Variants in AMMECR1 observed in about 807,000 individuals in gnomAD.
AMMECR1 encodes AMMECR nuclear protein 1.
A neutral mutation model predicts 22.5 loss-of-function variants in AMMECR1; 3 were observed. That is an observed-to-expected ratio of 0.13 (90% CI 0.06 to 0.35). The LOEUF (loss-of-function observed/expected upper bound fraction) is 0.35, where lower values mean the gene tolerates loss of function less well. Among genes scored for constraint, AMMECR1 ranks in the 10% least tolerant of loss-of-function variants. AMMECR1 has a pLI of 1.00. For missense variants in AMMECR1, 235 were observed against 278.7 expected (o/e 0.84, Z 1.12); for synonymous variants, 130 against 116.7 (o/e 1.11, Z -0.74).
intron 1 of AMMECR1, among the ~76,000 whole-genome samples, chrX:110,437,771 C>T (rs371346407): frequency 9.0e-6 from 1 of 111,511 alleles, no homozygotes; most frequent in Non-Finnish European, 1.9e-5. Context: ...GACCTACTCT[C>T]TCTGGGCTGA....
At chrX:110,280,269 A>G (rs1057365133) in intron 1 of AMMECR1, among the ~76,000 whole-genome samples, 2 of 111,435 alleles carry the variant, frequency 1.8e-5, no homozygotes, top group African/African-American at 6.5e-5. Context: ...AACTCTCTTT[A>G]CCACATACTA....
At chrX:110,312,825 A>G (rs1038014933) in intron 1 of AMMECR1, among the ~76,000 whole-genome samples, 7 of 111,752 alleles carry the variant, frequency 6.3e-5, no homozygotes, top group Non-Finnish European at 1.3e-4. Context: ...TCAATTGTTC[A>G]GACAGTGTTT....
chrX:110,345,868 T>A (rs1295285601), intron 2 of AMMECR1, among the ~76,000 whole-genome samples: 1 of 112,106 alleles, frequency 8.9e-6, no homozygotes, highest in Non-Finnish European at 1.9e-5. Context: ...TTGACAAAAA[T>A]GGTTTTGAAT....
intron 2 of AMMECR1, chrX:110,346,557 G>C: frequency 2.3e-6 from 1 of 440,166 alleles, no homozygotes; most frequent in Non-Finnish European, 4.1e-6. Context: ...AGAGGTAGAT[G>C]TTAAGGACAG....
chrX:110,369,146 C>T (rs2068319226), intron 2 of AMMECR1, among the ~76,000 whole-genome samples: 1 of 111,322 alleles, frequency 9.0e-6, no homozygotes, highest in South Asian at 3.8e-4. Context: ...TCCTGGCTAA[C>T]ACAGTGAAAC....
chrX:110,341,274 A>G (rs1323591537), intron 2 of AMMECR1, among the ~76,000 whole-genome samples: 2 of 112,138 alleles, frequency 1.8e-5, no homozygotes, highest in Admixed American at 1.9e-4. Context: ...AAATAATTCC[A>G]GAATACTCAT....
At chrX:110,437,059 A>G (rs1034204647) in intron 1 of AMMECR1, among the ~76,000 whole-genome samples, 12 of 112,280 alleles carry the variant, frequency 1.1e-4, no homozygotes, top group Non-Finnish European at 1.3e-4. Context: ...CAAGGAAGTG[A>G]TTTCACGAAT....
At chrX:110,321,389 C>T (rs1478709881), upstream of AMMECR1, among the ~76,000 whole-genome samples, 1 of 110,203 alleles carries the variant, frequency 9.1e-6, no homozygotes, top group Non-Finnish European at 1.9e-5. Context: ...TCTTTGTCAA[C>T]AAAGCACATT....
chrX:110,346,660 A>G (rs1161354373), intron 2 of AMMECR1: 1 of 579,429 alleles, frequency 1.7e-6, no homozygotes, highest in Admixed American at 2.2e-5. Context: ...TATTCACTGG[A>G]TCATAAGAAG....
intron 2 of AMMECR1, among the ~76,000 whole-genome samples, chrX:110,410,860 G>C (rs935026255): frequency 8.9e-6 from 1 of 112,189 alleles, no homozygotes. Context: ...CGCAATTCAA[G>C]GCAGCCTCCT....
rs189030845 is a variant in AMMECR1 at position 110,413,260 on chromosome X, G to A, written c.-148+13398C>T. On this transcript the variant is annotated intron_variant, in intron 2 of 7. Transcript: ENST00000372057. ...TTACAGAGCACTATTGTCTACCTCC[G>A]GGCCTGGAAGTGCTGAAACCTGAGT... Among the ~76,000 whole-genome samples, 419 of 111,054 alleles carry A rather than the reference G, an allele frequency of 3.8e-3. 2 individuals are homozygous for A. Among genetic ancestry groups the A allele is most frequent in the Admixed American group, 5.7e-3 (60 of 10,486 alleles).
chrX:110,282,169 A>G (rs2067855904), intron 1 of AMMECR1, among the ~76,000 whole-genome samples: 1 of 111,689 alleles, frequency 9.0e-6, no homozygotes, highest in African/African-American at 3.3e-5. Flanking sequence ...ATCTCTTAGG[A>G]ACATAAACAT....
intron 1 of AMMECR1, among the ~76,000 whole-genome samples, chrX:110,314,341 C>A (rs1429895995): frequency 9.0e-6 from 1 of 111,468 alleles, no homozygotes; most frequent in Non-Finnish European, 1.9e-5. Context: ...TACCCTAGCC[C>A]AAATTATCCA....
intron 1 of AMMECR1, among the ~76,000 whole-genome samples, chrX:110,293,829 A>G (rs1602867101): frequency 9.0e-6 from 1 of 111,561 alleles, no homozygotes; most frequent in East Asian, 2.8e-4. Flanking sequence ...ATGACTCATC[A>G]GACACCTTAG....
At chrX:110,250,684 A>T (rs1243763558) in intron 2 of AMMECR1, among the ~76,000 whole-genome samples, 1 of 112,130 alleles carries the variant, frequency 8.9e-6, no homozygotes, top group Non-Finnish European at 1.9e-5. Flanking sequence ...AGTAGAGTTC[A>T]GAGGTGTTTG....
chrX:110,214,854 C>T (rs772481707), intron 3 of AMMECR1, among the ~76,000 whole-genome samples: 9 of 111,300 alleles, frequency 8.1e-5, no homozygotes, highest in African/African-American at 2.6e-4. Context: ...ATCCCCACTA[C>T]TACATACACA....
At chrX:110,409,965 C>G in intron 2 of AMMECR1, among the ~76,000 whole-genome samples, 1 of 112,049 alleles carries the variant, frequency 8.9e-6, no homozygotes. Context: ...AATACAGATG[C>G]AGTGTGGCTC....
chrX:110,196,627 C>T lies in AMMECR1; in HGVS notation c.*1893G>A, dbSNP rs1215335643. ...TCTCTAGCTTCATTGAAACTGGCTA[C>T]CAAGATTGCATTTCAGGCTAACAAT... On this transcript the variant is annotated 3_prime_UTR_variant, in exon 6 of 6. Transcript: ENST00000262844. 1 of 111,378 alleles carries T rather than the reference C, an allele frequency of 9.0e-6. No homozygotes were observed. The highest frequency in any genetic ancestry group is 1.9e-5 in the Non-Finnish European group (1 of 53,003). The allele number at this position is 111,378 out of a possible 1,213,427, so 9.2% of individuals were successfully genotyped here.
At chrX:110,435,806 G>T (rs2068835059) in intron 1 of AMMECR1, among the ~76,000 whole-genome samples, 1 of 112,184 alleles carries the variant, frequency 8.9e-6, no homozygotes, top group Non-Finnish European at 1.9e-5. Flanking sequence ...ATATATATGT[G>T]TAATATTTAT....
Sources: gnomAD v4.1 joint callset for allele counts (sites outside exome capture counted in the v4.1 genomes callset) on GRCh38, gnomAD v4.1.1 for gene constraint, MANE v1.5 for transcripts, NCBI Gene and HGNC (gene_info 2026-07-23, HGNC 2026-07-21) for gene names.